Variants in ADGRF5 observed in about 807,000 individuals in gnomAD.
The protein encoded by ADGRF5 is G-protein coupled receptor 116.
Under a neutral mutation model 132.3 loss-of-function variants are expected in ADGRF5, and 75 were observed. The observed-to-expected ratio is 0.57, with a 90% CI of 0.47 to 0.69. ADGRF5 has a LOEUF of 0.69. Among genes scored for constraint, ADGRF5 ranks in the 30% least tolerant of loss-of-function variants. ADGRF5 has a pLI of 0.00. For synonymous variants in ADGRF5, 629 were observed against 597.6 expected (o/e 1.05, Z -0.77); for missense variants, 1,516 against 1,630.6 (o/e 0.93, Z 1.21).
intron 1 of ADGRF5, among the ~76,000 whole-genome samples, chr6:46,914,124 T>G (rs1293904816): frequency 1.3e-5 from 2 of 152,222 alleles, no homozygotes; most frequent in African/African-American, 4.8e-5. Context: ...TAGATGGCAA[T>G]GCCAACTTTC....
chr6:46,923,661 G>A (rs1777107671), upstream of ADGRF5, among the ~76,000 whole-genome samples: 2 of 152,302 alleles, frequency 1.3e-5, no homozygotes, highest in East Asian at 3.9e-4. Flanking sequence ...CATGGAATGG[G>A]CGTTGTCAAA....
chr6:46,888,578 G>A (rs1773297868), intron 3 of ADGRF5, 73 bp from the exon 4 acceptor site: 2 of 1,023,418 alleles, frequency 2.0e-6, no homozygotes, highest in South Asian at 2.7e-5. Flanking sequence ...GGATATTTCA[G>A]CAGTTAAAGG....
chr6:46,858,813 A>G lies in ADGRF5; in HGVS notation c.3090T>C (p.Cys1030=), dbSNP rs754727834. ...VGFSILSLAA[C]LVVEAVVWKS... ...TCCACACCACAGCTTCCACAACTAG[A>G]CAGGCTGCCAAGCTCAAGATGGAAA... Residue 1030 remains cysteine, a synonymous_variant, in exon 17 of 21, where the codon TGT becomes TGC. Transcript: ENST00000283296. 2.7e-5 allele frequency: 43 copies of G among 1,614,128 alleles called. No homozygotes were observed. Among genetic ancestry groups the G allele is most frequent in the Non-Finnish European group, 3.6e-5 (43 of 1,179,974 alleles).
chr6:46,885,633 T>G (rs1221432494), intron 4 of ADGRF5, among the ~76,000 whole-genome samples: 1 of 152,200 alleles, frequency 6.6e-6, no homozygotes, highest in Non-Finnish European at 1.5e-5. Context: ...AGGGTCAACC[T>G]TGGCATTGCA....
intron 7 of ADGRF5, 65 bp from the exon 8 acceptor site, chr6:46,881,662 C>T (rs1438224373): frequency 4.9e-6 from 7 of 1,428,870 alleles, no homozygotes; most frequent in Non-Finnish European, 6.8e-6. Flanking sequence ...ATATTTATGG[C>T]TTATTTGCTT....
At chr6:46,870,817 T>G (rs1770967559) in intron 11 of ADGRF5, 1 of 437,034 alleles carries the variant, frequency 2.3e-6, no homozygotes, top group South Asian at 1.6e-5. Context: ...ATGATTAGTT[T>G]TACCTGAAAG....
intron 10 of ADGRF5, 43 bp from the exon 11 acceptor site, chr6:46,872,056 C>G (rs777590692): frequency 7.0e-7 from 1 of 1,427,774 alleles, no homozygotes; most frequent in Non-Finnish European, 9.6e-7. Flanking sequence ...CTGGCTAACT[C>G]TTTTATTTAG....
At chr6:46,876,786 G>C (rs1332748266) in intron 10 of ADGRF5, among the ~76,000 whole-genome samples, 1 of 152,106 alleles carries the variant, frequency 6.6e-6, no homozygotes, top group African/African-American at 2.4e-5. Context: ...TGTATTTTTA[G>C]TAGAGATGGG....
In ADGRF5 at chr6:46,852,791, A is replaced by G. The variant is rs544507701; in HGVS notation, c.*1201T>C. The G allele has an allele frequency of 2.6e-5, 4 of 152,122 alleles. No homozygotes were observed. In the South Asian group the frequency reaches 8.3e-4, roughly 32 times the overall value. 9.4% of individuals were successfully genotyped at this position (152,122 alleles called of 1,614,324 possible). A position where few individuals can be genotyped will look rare whatever the true frequency, so the allele number is the denominator to read the frequency against. On this transcript the variant is annotated 3_prime_UTR_variant, in exon 21 of 21. Transcript: ENST00000283296. ...TTTCCACGTGGTTGGAATAAACACA[A>G]TTTAGACCATGCAAAACTCTTAATG...
rs1025944014 is a variant in ADGRF5 at position 46,882,467 on chromosome 6, C to G, written c.613-360G>C. 1.2e-4 allele frequency among the ~76,000 whole-genome samples: 18 copies of G among 152,310 alleles called. No individual in the cohort carries two copies. The South Asian group carries it at 1.5e-3, about 12-fold the overall frequency. On this transcript the variant is annotated intron_variant, in intron 6 of 20. Transcript: ENST00000283296. ...CTGAGCTTGGAAATGTTCAATAAAG[C>G]CTTCCAAGGAGTCCCAGTGTCTGCC...
intron 10 of ADGRF5, among the ~76,000 whole-genome samples, chr6:46,877,096 A>G (rs1308304668): frequency 6.6e-6 from 1 of 152,256 alleles, no homozygotes; most frequent in Admixed American, 6.5e-5. Context: ...TTCTAGGTAA[A>G]ACACTGTTCA....
chr6:46,916,903 C>A (rs1280986956), intron 1 of ADGRF5, among the ~76,000 whole-genome samples: 2 of 152,188 alleles, frequency 1.3e-5, no homozygotes, highest in Non-Finnish European at 1.5e-5. Context: ...TATTAAGAGA[C>A]AATATTAGTG....
chr6:46,910,094 A>G (rs1775788523), intron 1 of ADGRF5, among the ~76,000 whole-genome samples: 1 of 152,132 alleles, frequency 6.6e-6, no homozygotes, highest in Admixed American at 6.6e-5. Flanking sequence ...ATCCTTCATC[A>G]GCCCTGAGAT....
At chr6:46,919,215 T>G (rs10484844) in intron 1 of ADGRF5, among the ~76,000 whole-genome samples, 50,550 of 152,032 alleles carry the variant, frequency 0.33, 8,907 homozygotes, top group African/African-American at 0.44. Context: ...CACATGACTT[T>G]TATCCTCATA....
At chr6:46,926,432 A>T (rs1777243510), upstream of ADGRF5, among the ~76,000 whole-genome samples, 1 of 151,886 alleles carries the variant, frequency 6.6e-6, no homozygotes. Flanking sequence ...TACTCTTAGC[A>T]CTACCCCCTC....
chr6:46,953,740 G>A (rs576613656), intron 1 of ADGRF5, among the ~76,000 whole-genome samples: 5 of 140,028 alleles, frequency 3.6e-5, no homozygotes, highest in African/African-American at 1.3e-4. Flanking sequence ...GACCCCTGTA[G>A]CAGGGTATGG....
chr6:46,876,352 G>A (rs1771656291), intron 10 of ADGRF5, among the ~76,000 whole-genome samples: 1 of 152,220 alleles, frequency 6.6e-6, no homozygotes, highest in Admixed American at 6.5e-5. Flanking sequence ...ACCTTTCGGG[G>A]TTGAAAGCTT....
At chr6:46,888,279 C>T in intron 4 of ADGRF5, 56 bp downstream of exon 4, 1 of 1,260,094 alleles carries the variant, frequency 7.9e-7, no homozygotes, top group South Asian at 1.2e-5. Flanking sequence ...GGAGCTCAGA[C>T]AGTCTGTCTC....
intron 10 of ADGRF5, among the ~76,000 whole-genome samples, chr6:46,875,340 T>G (rs544789944): frequency 2.4e-4 from 36 of 152,338 alleles, no homozygotes; most frequent in Middle Eastern, 6.8e-3. Context: ...CTTTGCTTTC[T>G]GGAGAAGAGA....
Sources: gnomAD v4.1 joint callset for allele counts (sites outside exome capture counted in the v4.1 genomes callset) on GRCh38, gnomAD v4.1.1 for gene constraint, MANE v1.5 for transcripts, NCBI Gene and HGNC (gene_info 2026-07-23, HGNC 2026-07-21) for gene names.